The following GLIS3 variants were observed in gnomAD, a reference collection of about 807,000 sequenced individuals.
The protein encoded by GLIS3 is GLIS family zinc finger 3.
GLIS3 carries 53 observed loss-of-function variants against 78.6 expected under a neutral mutation model. The ratio of observed to expected loss-of-function variants is 0.67; its 90% confidence interval spans 0.54 to 0.85. GLIS3 has a LOEUF of 0.85. Among genes scored for constraint, GLIS3 ranks in the 40% least tolerant of loss-of-function variants. GLIS3 has a pLI of 0.00. For synonymous variants in GLIS3, 684 were observed against 509.9 expected, an observed-to-expected ratio of 1.34 and a Z score of -4.60; for missense variants, 1,703 against 1,231.1, an observed-to-expected ratio of 1.38 and a Z score of -5.74.
chr9:3,840,399 T>A (rs1285481122), intron 9 of GLIS3, among the ~76,000 whole-genome samples: 1 of 152,144 alleles, frequency 6.6e-6, no homozygotes, highest in East Asian at 1.9e-4. Context: ...CTACTAAGCA[T>A]CCTCCTGGAA....
chr9:4,002,299 C>T (rs950438550), intron 4 of GLIS3, among the ~76,000 whole-genome samples: 4 of 152,188 alleles, frequency 2.6e-5, no homozygotes, highest in Non-Finnish European at 4.4e-5. Context: ...AAGGAACCTT[C>T]TGACTTTCAT....
chr9:4,396,775 TG>T, the GLIS3 span, among the ~76,000 whole-genome samples: 1 of 152,182 alleles, frequency 6.6e-6, no homozygotes, highest in South Asian at 2.1e-4. Context: ...AGTCCTTTCA[TG>T]GAACCCAGGT....
At chr9:4,091,342 G>A (rs1382098082) in intron 4 of GLIS3, among the ~76,000 whole-genome samples, 1 of 151,896 alleles carries the variant, frequency 6.6e-6, no homozygotes, top group Non-Finnish European at 1.5e-5. Flanking sequence ...ACTCCAGCCT[G>A]GGCAACAGAG....
rs111420303 is a variant in GLIS3 at position 4,165,924 on chromosome 9, G to T, written c.389-39983C>A. ...GGAAAAAAGGAATCTGCAAACAAGG[G>T]AGAGAAAGTACTACTGTGCTTGCAG... is the stretch of plus-strand genomic sequence containing the variant. On this transcript the variant is annotated intron_variant, in intron 2 of 10. Transcript: ENST00000381971. 6.5e-3 allele frequency among the ~76,000 whole-genome samples: 983 copies of T among 152,330 alleles called. 5 individuals carry two copies. Among genetic ancestry groups the T allele is most frequent in the Middle Eastern group, 0.02 (6 of 294 alleles).
chr9:4,240,894 AAATT>A (rs1301308291), intron 2 of GLIS3, among the ~76,000 whole-genome samples: 5 of 152,160 alleles, frequency 3.3e-5, no homozygotes, highest in Non-Finnish European at 7.3e-5. Flanking sequence ...ATATAAATAA[AAATT>A]AATGACACAG....
the GLIS3 span, among the ~76,000 whole-genome samples, chr9:4,392,304 C>G: frequency 6.6e-6 from 1 of 152,114 alleles, no homozygotes; most frequent in Admixed American, 6.6e-5. Context: ...TGCTTAATAT[C>G]TAGGTGACGG....
At chr9:3,942,908 AAAG>A (rs577936116) in intron 4 of GLIS3, among the ~76,000 whole-genome samples, 6 of 152,234 alleles carry the variant, frequency 3.9e-5, no homozygotes, top group Non-Finnish European at 8.8e-5. Context: ...CTAGAAAACA[AAAG>A]AAGAAAGGAA....
intron 2 of GLIS3, among the ~76,000 whole-genome samples, chr9:4,229,986 T>C (rs902262474): frequency 2.6e-5 from 4 of 152,218 alleles, no homozygotes; most frequent in African/African-American, 4.8e-5. Context: ...AATCCCTTAA[T>C]TTCTGAAGAA....
At chr9:4,391,722 G>C in the GLIS3 span, among the ~76,000 whole-genome samples, 16 of 152,310 alleles carry the variant, frequency 1.1e-4, no homozygotes, top group African/African-American at 3.8e-4. Context: ...TAGGGATTTG[G>C]TAAAGCACTT....
chr9:4,248,199 A>C (rs1312329098), intron 2 of GLIS3, among the ~76,000 whole-genome samples: 1 of 151,992 alleles, frequency 6.6e-6, no homozygotes, highest in Non-Finnish European at 1.5e-5. Flanking sequence ...TCAACCTGTC[A>C]TCTACATTAC....
At chr9:4,411,315 C>T in the GLIS3 span, among the ~76,000 whole-genome samples, 6 of 152,178 alleles carry the variant, frequency 3.9e-5, no homozygotes, top group African/African-American at 1.2e-4. Flanking sequence ...TCTATCTCTA[C>T]GCCTTTTTCA....
At chr9:4,047,619 C>T (rs1430635372) in intron 4 of GLIS3, among the ~76,000 whole-genome samples, 1 of 152,116 alleles carries the variant, frequency 6.6e-6, no homozygotes, top group Non-Finnish European at 1.5e-5. Flanking sequence ...GCATAAGTGA[C>T]TTACACATGG....
intron 4 of GLIS3, among the ~76,000 whole-genome samples, chr9:3,984,173 A>G (rs181648454): frequency 1.9e-3 from 292 of 152,348 alleles, no homozygotes; most frequent in African/African-American, 6.6e-3. Context: ...ACCACTTAGC[A>G]GAGTTGTGAG....
intron 9 of GLIS3, among the ~76,000 whole-genome samples, chr9:3,850,510 GTGAAC>G (rs1219325768): frequency 1.3e-5 from 2 of 152,224 alleles, no homozygotes; most frequent in African/African-American, 2.4e-5. Context: ...TTGCACCTGA[GTGAAC>G]TGAACTCTTT....
intron 4 of GLIS3, among the ~76,000 whole-genome samples, chr9:4,055,308 C>A (rs1408201006): frequency 6.6e-6 from 1 of 152,186 alleles, no homozygotes; most frequent in Non-Finnish European, 1.5e-5. Flanking sequence ...CCTCAGATTA[C>A]TCTAAATTCC....
intron 7 of GLIS3, among the ~76,000 whole-genome samples, chr9:3,883,430 G>A (rs1821868036): frequency 6.6e-6 from 1 of 152,156 alleles, no homozygotes; most frequent in African/African-American, 2.4e-5. Context: ...CAAATGTTCA[G>A]GTTTTGCCAA....
rs528415539 is a variant in GLIS3, at chr9:4,234,066, G to C, written c.388+51972C>G. The stretch of plus-strand genomic sequence containing the variant: ...CTTAATCTGGATTAGGCTTTAGCTT[G>C]AGGGAATTTTGTGGTCAGTATGACT... On this transcript the variant is annotated intron_variant, in intron 2 of 10. Transcript: ENST00000381971. Among the ~76,000 whole-genome samples, 9 of 152,304 alleles carry C rather than the reference G, an allele frequency of 5.9e-5. No homozygotes were observed. The East Asian group carries it at 1.7e-3, about 29-fold the overall frequency.
At chr9:4,027,095 C>T (rs1823410374) in intron 4 of GLIS3, among the ~76,000 whole-genome samples, 1 of 152,186 alleles carries the variant, frequency 6.6e-6, no homozygotes, top group African/African-American at 2.4e-5. Flanking sequence ...GTGAGCCAAA[C>T]CTTTGGACAC....
intron 2 of GLIS3, among the ~76,000 whole-genome samples, chr9:4,263,078 A>G (rs1401295090): frequency 6.6e-6 from 1 of 152,180 alleles, no homozygotes; most frequent in Non-Finnish European, 1.5e-5. Flanking sequence ...TCTGGTTTAC[A>G]TTTCACAGTA....
Sources: allele counts gnomAD v4.1 joint callset (sites outside exome capture counted in the v4.1 genomes callset), GRCh38; gene constraint gnomAD v4.1.1; transcripts MANE v1.5; gene names NCBI Gene and HGNC (gene_info 2026-07-23, HGNC 2026-07-21).